Variants in GPC6 observed in about 807,000 individuals in gnomAD.
GPC6 encodes the protein glypican 6, also known as glypican-6.
Under a neutral mutation model 55.2 loss-of-function variants are expected in GPC6, and 14 were observed. That is an observed-to-expected ratio of 0.25 (90% CI 0.17 to 0.40). GPC6 has a LOEUF of 0.40. GPC6 is among the 10% of genes least tolerant of loss of function. The probability of loss-of-function intolerance (pLI) is 1.00; values close to 1 mark genes in which losing one functional copy is unlikely to be tolerated. For synonymous variants in GPC6, 278 were observed against 259.6 expected (o/e 1.07, Z -0.68); for missense variants, 641 against 708.5 (o/e 0.90, Z 1.08).
intron 1 of GPC6, among the ~76,000 whole-genome samples, chr13:93,232,941 C>T (rs1226456290): frequency 6.6e-6 from 1 of 152,030 alleles, no homozygotes; most frequent in African/African-American, 2.4e-5. Flanking sequence ...ACAACCTTTA[C>T]CCCCACTTAA....
At chr13:93,344,765 G>A (rs1880373983) in intron 1 of GPC6, among the ~76,000 whole-genome samples, 1 of 152,112 alleles carries the variant, frequency 6.6e-6, no homozygotes, top group East Asian at 1.9e-4. Context: ...TGAATGAGTC[G>A]AGTGACCAGC....
chr13:93,895,221 T>TGTGTGTGTGTGTGC, intron 3 of GPC6, among the ~76,000 whole-genome samples: 1 of 48,768 alleles, frequency 2.1e-5, no homozygotes, highest in Non-Finnish European at 4.2e-5. Flanking sequence ...TGTGTGTATG[T>TGTGTGTGTGTGTGC]ATGTGTGTGT....
chr13:93,726,685 C>A (rs1333804686), intron 2 of GPC6, among the ~76,000 whole-genome samples: 2 of 152,062 alleles, frequency 1.3e-5, no homozygotes, highest in Admixed American at 1.3e-4. Context: ...ATGCCCGCCC[C>A]CTGCCTGGAA....
intron 1 of GPC6, among the ~76,000 whole-genome samples, chr13:93,345,352 T>A (rs532747398): frequency 6.6e-6 from 1 of 152,276 alleles, no homozygotes; most frequent in East Asian, 1.9e-4. Context: ...GTATACTTGT[T>A]ACTATGGTTA....
chr13:94,241,459 T>C (rs1017237898), intron 4 of GPC6, among the ~76,000 whole-genome samples: 1 of 152,204 alleles, frequency 6.6e-6, no homozygotes, highest in Non-Finnish European at 1.5e-5. Context: ...GGACTCATTA[T>C]ACATATTTTC....
At chr13:93,744,858 A>G (rs1217525562) in intron 2 of GPC6, among the ~76,000 whole-genome samples, 1 of 151,908 alleles carries the variant, frequency 6.6e-6, no homozygotes, top group East Asian at 1.9e-4. Context: ...GCCTGAACCC[A>G]GGAAGCGAAG....
chr13:94,312,354 A>G (rs1238119610), intron 6 of GPC6, among the ~76,000 whole-genome samples: 1 of 152,236 alleles, frequency 6.6e-6, no homozygotes, highest in African/African-American at 2.4e-5. Context: ...AAAATGGACA[A>G]AGCAGCTAAC....
At chr13:94,191,934 A>G (rs1044217150) in intron 4 of GPC6, among the ~76,000 whole-genome samples, 1 of 152,338 alleles carries the variant, frequency 6.6e-6, no homozygotes, top group Middle Eastern at 3.4e-3. Context: ...TGCTGGATTC[A>G]TATGAAAAAT....
chr13:93,625,953 C>G (rs111390187), intron 2 of GPC6, among the ~76,000 whole-genome samples: 12 of 152,228 alleles, frequency 7.9e-5, no homozygotes, highest in African/African-American at 2.6e-4. Context: ...TAATAGTTTT[C>G]TAATACTCAA....
At chr13:93,523,482 C>T (rs1434220777) in intron 1 of GPC6, among the ~76,000 whole-genome samples, 1 of 151,374 alleles carries the variant, frequency 6.6e-6, no homozygotes, top group Non-Finnish European at 1.5e-5. Context: ...TACACACATA[C>T]ACATACATAT....
At chr13:93,298,770 C>T (rs1163333881) in intron 1 of GPC6, among the ~76,000 whole-genome samples, 1 of 152,016 alleles carries the variant, frequency 6.6e-6, no homozygotes, top group Admixed American at 6.5e-5. Flanking sequence ...TTTTTCAAAC[C>T]ATCCCCTGCG....
intron 1 of GPC6, among the ~76,000 whole-genome samples, chr13:93,349,866 G>A (rs997497022): frequency 1.3e-5 from 2 of 152,110 alleles, no homozygotes; most frequent in Non-Finnish European, 2.9e-5. Flanking sequence ...ATGTTAATTA[G>A]TGAATCATAT....
intron 4 of GPC6, among the ~76,000 whole-genome samples, chr13:94,151,867 G>C (rs889647794): frequency 4.6e-5 from 7 of 152,132 alleles, no homozygotes; most frequent in African/African-American, 2.4e-5. Flanking sequence ...ATAAAGTCTA[G>C]TGGAAATAAA....
At chr13:93,828,803 A>T (rs1887375904) in intron 2 of GPC6, among the ~76,000 whole-genome samples, 1 of 152,258 alleles carries the variant, frequency 6.6e-6, no homozygotes, top group South Asian at 2.1e-4. Flanking sequence ...AATATAAAAC[A>T]TTTATCATTA....
chr13:94,103,817 C>T (rs1288293550), intron 4 of GPC6, among the ~76,000 whole-genome samples: 4 of 152,090 alleles, frequency 2.6e-5, no homozygotes, highest in Non-Finnish European at 5.9e-5. Flanking sequence ...CAAAAATTTT[C>T]TCCCATTCTC....
At chr13:93,359,694 G>A (rs1204301356) in intron 1 of GPC6, among the ~76,000 whole-genome samples, 1 of 152,160 alleles carries the variant, frequency 6.6e-6, no homozygotes, top group Non-Finnish European at 1.5e-5. Context: ...TACTGCTAAT[G>A]AGAGTAAATA....
chr13:94,165,273 C>CAT (rs1443482781), intron 4 of GPC6, among the ~76,000 whole-genome samples: 60 of 141,666 alleles, frequency 4.2e-4, no homozygotes, highest in Non-Finnish European at 7.4e-4. Context: ...TATATATATA[C>CAT]ACATATATAT....
At chr13:93,335,038 A>T (rs1175462908) in intron 1 of GPC6, among the ~76,000 whole-genome samples, 1 of 152,192 alleles carries the variant, frequency 6.6e-6, no homozygotes, top group East Asian at 1.9e-4. Flanking sequence ...TTTCCTCCAC[A>T]GGGCAATGTT....
chr13:93,332,016 C>T (rs978379914), intron 1 of GPC6, among the ~76,000 whole-genome samples: 2 of 151,194 alleles, frequency 1.3e-5, no homozygotes, highest in African/African-American at 4.9e-5. Context: ...CCAGATCATC[C>T]CTTTTGCAAA....
Sources: gnomAD v4.1 joint callset for allele counts (sites outside exome capture counted in the v4.1 genomes callset) on GRCh38, gnomAD v4.1.1 for gene constraint, MANE v1.5 for transcripts, NCBI Gene and HGNC (gene_info 2026-07-23, HGNC 2026-07-21) for gene names.